PCCB: variants seen among roughly 807,000 people sequenced by gnomAD.
PCCB encodes propionyl-CoA carboxylase beta chain, mitochondrial.
Under a neutral mutation model 60.7 loss-of-function variants are expected in PCCB, and 43 were observed. The ratio of observed to expected loss-of-function variants is 0.71; its 90% CI spans 0.55 to 0.91. The LOEUF (loss-of-function observed/expected upper bound fraction) is 0.91. Among genes scored for constraint, PCCB ranks in the 40% least tolerant of loss-of-function variants. The probability of loss-of-function intolerance (pLI) is 0.00; values close to 1 mark genes in which losing one functional copy is unlikely to be tolerated. For missense variants in PCCB, 766 were observed against 702.8 expected, an observed-to-expected ratio of 1.09 and a Z score of -1.02; for synonymous variants, 276 against 255.9, an observed-to-expected ratio of 1.08 and a Z score of -0.75.
intron 9 of PCCB, among the ~76,000 whole-genome samples, chr3:136,313,094 C>G (rs777838979): frequency 6.6e-6 from 1 of 152,198 alleles, no homozygotes; most frequent in Non-Finnish European, 1.5e-5. Flanking sequence ...AAAACACTTT[C>G]CATTGGAAAG....
intron 7 of PCCB, among the ~76,000 whole-genome samples, chr3:136,294,692 C>T (rs1481954096): frequency 6.6e-6 from 1 of 152,146 alleles, no homozygotes; most frequent in Non-Finnish European, 1.5e-5. Flanking sequence ...TCACTGTAGC[C>T]TCAGTCTTCC....
chr3:136,307,631 T>TA (rs71157372), intron 9 of PCCB, among the ~76,000 whole-genome samples: 91 of 147,328 alleles, frequency 6.2e-4, no homozygotes, highest in Non-Finnish European at 1.1e-3. Flanking sequence ...AGGGGAAAAA[T>TA]AAAAAAAAAG....
intron 10 of PCCB, among the ~76,000 whole-genome samples, chr3:136,319,078 T>C (rs1013763128): frequency 2.6e-5 from 4 of 152,232 alleles, no homozygotes; most frequent in African/African-American, 7.2e-5. Context: ...CCAACACTTA[T>C]TATTAATTTT....
At chr3:136,309,004 T>G (rs1181923460) in intron 9 of PCCB, among the ~76,000 whole-genome samples, 1 of 152,086 alleles carries the variant, frequency 6.6e-6, no homozygotes, top group African/African-American at 2.4e-5. Flanking sequence ...GGCTCACACA[T>G]GTAATCCCAG....
intron 5 of PCCB, among the ~76,000 whole-genome samples, chr3:136,262,954 G>GTTTTT (rs570598390): frequency 8.1e-6 from 1 of 122,872 alleles, no homozygotes; most frequent in Non-Finnish European, 1.7e-5. Context: ...TCTGGAGGAG[G>GTTTTT]TTTTTTTTTT....
chr3:136,325,857 G>A (rs1487763237), intron 10 of PCCB, among the ~76,000 whole-genome samples: 1 of 151,822 alleles, frequency 6.6e-6, no homozygotes, highest in African/African-American at 2.4e-5. Context: ...TCTGTCACCC[G>A]GGCTGGAGTG....
chr3:136,252,280 A>G (rs975593382), intron 1 of PCCB: 3 of 453,182 alleles, frequency 6.6e-6, no homozygotes, highest in African/African-American at 6.1e-5. Flanking sequence ...TTTTTTTGAG[A>G]CAGAGTTCAC....
chr3:136,266,963 A>G (rs1444642489), intron 5 of PCCB, among the ~76,000 whole-genome samples: 2 of 151,674 alleles, frequency 1.3e-5, no homozygotes, highest in Non-Finnish European at 2.9e-5. Context: ...GCTCACTGCA[A>G]CCTCCACTTC....
At chr3:136,258,327 G>A (rs1427404734) in intron 3 of PCCB, among the ~76,000 whole-genome samples, 5 of 152,106 alleles carry the variant, frequency 3.3e-5, no homozygotes, top group African/African-American at 1.2e-4. Flanking sequence ...AGGCAGAATG[G>A]CACAGAACGG....
intron 5 of PCCB, among the ~76,000 whole-genome samples, chr3:136,276,090 C>T (rs1168701766): frequency 1.3e-5 from 2 of 152,112 alleles, no homozygotes; most frequent in Non-Finnish European, 2.9e-5. Context: ...TAGATATGTA[C>T]TTGATGTGTG....
chr3:136,266,968 C>T (rs1010148828), intron 5 of PCCB, among the ~76,000 whole-genome samples: 4 of 152,096 alleles, frequency 2.6e-5, no homozygotes, highest in African/African-American at 9.7e-5. Context: ...CTGCAACCTC[C>T]ACTTCCTGGG....
chr3:136,313,428 A>G (rs183660235), intron 9 of PCCB, among the ~76,000 whole-genome samples: 86 of 152,340 alleles, frequency 5.6e-4, no homozygotes, highest in African/African-American at 1.7e-3. Flanking sequence ...ATGAACTGAT[A>G]GGAAGTGATT....
chr3:136,255,473 AAG>A (rs1444475158), intron 1 of PCCB: 2 of 302,662 alleles, frequency 6.6e-6, no homozygotes, highest in Non-Finnish European at 1.3e-5. Flanking sequence ...ATCCTTCACT[AAG>A]CCTGCTTTAG....
intron 5 of PCCB, among the ~76,000 whole-genome samples, chr3:136,275,160 A>T (rs531707872): frequency 2.0e-4 from 31 of 152,166 alleles, no homozygotes; most frequent in Non-Finnish European, 4.1e-4. Context: ...TGATTGGGTT[A>T]ATTTGAAAGC....
chr3:136,314,423 G>A (rs1934797587), intron 9 of PCCB, among the ~76,000 whole-genome samples: 1 of 152,168 alleles, frequency 6.6e-6, no homozygotes, highest in South Asian at 2.1e-4. Context: ...ACACTTGTAA[G>A]GAGGGCGGAT....
intron 2 of PCCB, 39 bp from the exon 3 acceptor site, chr3:136,256,516 T>A (rs754124952): frequency 6.8e-7 from 1 of 1,477,752 alleles, no homozygotes; most frequent in Admixed American, 1.7e-5. Context: ...GAAGAAGTAT[T>A]TGGATTTTTT....
Position 136,254,462 on chromosome 3 carries a change from C to T in PCCB, c.184-1394C>T, listed in dbSNP as rs146412238. The stretch of plus-strand genomic sequence containing the variant: ...GTCTCGATCTCCTGACCTCATGATC[C>T]GCCTGCCTTGGCCTCCCAAAGTGCT... On this transcript the variant is annotated intron_variant, in intron 1 of 14. Coordinates refer to ENST00000251654, the MANE Select transcript of PCCB (RefSeq NM_000532.5). Among the ~76,000 whole-genome samples the T allele has an allele frequency of 3.4e-3, 513 of 149,102 alleles. 3 individuals carry two copies. Among genetic ancestry groups the T allele is most frequent in the Middle Eastern group, 0.021 (6 of 290 alleles).
In PCCB at chr3:136,303,975, CAG is replaced by C. The variant is rs1455849842; in HGVS notation, c.966+2866_966+2867del. Among the ~76,000 whole-genome samples, 3 of 120,598 alleles carry C rather than the reference CAG, an allele frequency of 2.5e-5. 1 individual carries two copies. The highest frequency in any genetic ancestry group is 6.7e-4 in the South Asian group (2 of 2,988). The allele number at this position is 120,598 out of a possible 152,430, so 79.1% of individuals were successfully genotyped here. On this transcript the variant is annotated intron_variant, in intron 9 of 14. Transcript: ENST00000251654. ...ACCATAAACTGCATAGCTTAAACAA[CAG>C]AAATTTATTTTCTGTCAGTTCTGGA...
At chr3:136,287,794 T>A (rs567390339) in intron 6 of PCCB, among the ~76,000 whole-genome samples, 1 of 152,378 alleles carries the variant, frequency 6.6e-6, no homozygotes, top group South Asian at 2.1e-4. Flanking sequence ...TTTGAATTAT[T>A]TCAAGATTTT....
Sources: allele counts gnomAD v4.1 joint callset (sites outside exome capture counted in the v4.1 genomes callset), GRCh38; gene constraint gnomAD v4.1.1; transcripts MANE v1.5; gene names NCBI Gene and HGNC (gene_info 2026-07-23, HGNC 2026-07-21).